Variants in PKHD1L1 observed in about 807,000 individuals in gnomAD.
PKHD1L1 encodes the protein PKHD1 like 1.
In PKHD1L1, 434 loss-of-function variants were observed where a neutral mutation model predicts 462.9. The observed-to-expected ratio is 0.94, with a 90% CI of 0.87 to 1.02. The LOEUF is 1.02. PKHD1L1 is among the 50% of genes least tolerant of loss of function. The pLI is 0.00. For missense variants in PKHD1L1, 5,202 were observed against 5,096.1 expected, an observed-to-expected ratio of 1.02 and a Z score of -0.63; for synonymous variants, 1,781 against 1,750.0, an observed-to-expected ratio of 1.02 and a Z score of -0.44.
chr8:109,511,242 G>C lies in PKHD1L1; in HGVS notation c.11553+308G>C, dbSNP rs553996395. On this transcript the variant is annotated intron_variant, in intron 71 of 77. Transcript: ENST00000378402. ...AAGTTTTAGGGTACATGTGCACAAT[G>C]TGTAGGCCAGTCACACATGTATATA... Among the ~76,000 whole-genome samples the C allele has an allele frequency of 6.6e-5, 10 of 152,118 alleles. No homozygotes were observed. The South Asian group carries it at 1.9e-3, about 28-fold the overall frequency.
In PKHD1L1 at chr8:109,530,481, G is replaced by T. The variant is rs932808912; in HGVS notation, c.*391G>T. Among the ~76,000 whole-genome samples, 45 of 146,566 alleles carry T rather than the reference G, an allele frequency of 3.1e-4. No individual in the cohort carries two copies. The highest frequency in any genetic ancestry group is 1.2e-3 in the African/African-American group (44 of 37,290). On this transcript the variant is annotated 3_prime_UTR_variant, in exon 78 of 78. Coordinates refer to ENST00000378402, the MANE Select transcript of PKHD1L1 (RefSeq NM_177531.6). ...TTCTTTTTAATACTTGAGGGGGGGG[G>T]TTCTTATTTTCTCTATCCATTTACA...
chr8:109,441,173 G>T (rs1815767519), intron 33 of PKHD1L1, 102 bp from the exon 34 acceptor site: 10 of 784,100 alleles, frequency 1.3e-5, no homozygotes, highest in Non-Finnish European at 2.0e-5. Context: ...TTTTTTTTAG[G>T]GTCTTGGCTG....
Position 109,483,636 on chromosome 8 carries a change from A to T in PKHD1L1, c.9576+531A>T, listed in dbSNP as rs114928732. 9.9e-3 allele frequency among the ~76,000 whole-genome samples: 1,494 copies of T among 150,546 alleles called. 18 individuals are homozygous for T. The highest frequency in any genetic ancestry group is 0.015 in the Non-Finnish European group (985 of 67,438). On this transcript the variant is annotated intron_variant, in intron 57 of 77. Transcript: ENST00000378402. ...ATAATATATTAGTCATATTAGTCAT[A>T]TTTTATGCCAATGTATATTAGTCAT...
Position 109,523,402 on chromosome 8 carries a change from T to C in PKHD1L1, c.12484+16T>C. 1.2e-6 allele frequency: 2 copies of C among 1,600,866 alleles called. No homozygotes were observed. Among genetic ancestry groups the C allele is most frequent in the Non-Finnish European group, 1.7e-6 (2 of 1,170,214 alleles). On this transcript the variant is annotated intron_variant, in intron 76 of 77. Transcript: ENST00000378402. Reference sequence around the variant, plus strand: ...CTTAGAACAGGTGGGTGCACTATTTTGGATCCTCACATATATAGCCATAAA... The same window carrying C: ...CTTAGAACAGGTGGGTGCACTATTTCGGATCCTCACATATATAGCCATAAA...
intron 27 of PKHD1L1, among the ~76,000 whole-genome samples, chr8:109,432,592 A>G (rs1322686588): frequency 3.9e-5 from 6 of 152,180 alleles, no homozygotes; most frequent in South Asian, 2.1e-4. Flanking sequence ...GAATGGAAGA[A>G]CCTTAAGTTT....
intron 2 of PKHD1L1, among the ~76,000 whole-genome samples, chr8:109,379,121 G>A (rs78957349): frequency 0.011 from 1,664 of 152,136 alleles, 37 homozygotes; most frequent in African/African-American, 0.038. Flanking sequence ...GCTGAATACC[G>A]GAACTGCCAA....
At chr8:109,375,906 C>T (rs1158164641) in intron 2 of PKHD1L1, among the ~76,000 whole-genome samples, 2 of 152,174 alleles carry the variant, frequency 1.3e-5, no homozygotes, top group Admixed American at 6.5e-5. Context: ...TGTCAGTCCG[C>T]CCCTACTGGG....
intron 25 of PKHD1L1, 62 bp downstream of exon 25, chr8:109,427,218 C>A: frequency 7.9e-7 from 1 of 1,261,428 alleles, no homozygotes; most frequent in Non-Finnish European, 1.1e-6. Context: ...TTGGACCCTG[C>A]CTTATTCCAA....
At position 109,491,089 on chromosome 8, in the gene PKHD1L1, A is replaced by C. The variant is rs1453006973; in HGVS notation, c.10102A>C (p.Thr3368Pro). Residue 3368 changes from threonine to proline, a missense_variant, in exon 61 of 78, where the codon ACA becomes CCA. By Grantham distance (38) the Thr-to-Pro change is conservative. This residue lies in a region of PKHD1L1 where 4,497 missense variants were observed against 4,336.8 expected (regional missense o/e 1.04). Coordinates refer to ENST00000378402, the MANE Select transcript of PKHD1L1 (RefSeq NM_177531.6). ...LDIDDNIIHF[T>P]VGEGIRIWGN... ...CATAGATGACAACATCATTCACTTT[A>C]CAGTGGGGGAAGGTAATATAATAAT... 6.2e-7 allele frequency: 1 copy of C among 1,608,348 alleles called. No individual in the cohort carries two copies. The highest frequency in any genetic ancestry group is 8.5e-7 in the Non-Finnish European group (1 of 1,176,176).
intron 2 of PKHD1L1, among the ~76,000 whole-genome samples, chr8:109,373,728 G>A (rs1265270906): frequency 6.6e-6 from 1 of 152,156 alleles, no homozygotes; most frequent in Admixed American, 6.5e-5. Context: ...TGGTTTCAAA[G>A]AACATCTTTA....
Position 109,400,080 on chromosome 8 carries a change from G to A in PKHD1L1, c.1017G>A (p.Gly339=). ...ATTTTATTTCATTACACTTAGGAGG[G>A]AGAGGCCTGAAGCTTGAGGTGTGGA... ...PHILKTVYPG[G]RGLKLEVWNN... Residue 339 remains glycine (G), a synonymous_variant, in exon 13 of 78, where the codon GGG becomes GGA. Coordinates refer to ENST00000378402, the MANE Select transcript of PKHD1L1 (RefSeq NM_177531.6). 1 of 1,609,352 alleles carries A rather than the reference G, an allele frequency of 6.2e-7. No homozygotes were observed. The highest frequency in any genetic ancestry group is 8.5e-7 in the Non-Finnish European group (1 of 1,177,304).
intron 6 of PKHD1L1, 55 bp downstream of exon 6, chr8:109,385,685 T>G: frequency 8.4e-7 from 1 of 1,183,720 alleles, no homozygotes; most frequent in African/African-American, 1.6e-5. Flanking sequence ...GAAGTAATAT[T>G]ATAAAAATAA....
At chr8:109,496,802 T>C in intron 63 of PKHD1L1, 117 bp from the exon 64 acceptor site, 2 of 1,088,552 alleles carry the variant, frequency 1.8e-6, no homozygotes, top group East Asian at 2.4e-5. Context: ...AAACCTGATA[T>C]CAGAATTATG....
chr8:109,476,449 T>G, intron 51 of PKHD1L1, 59 bp from the exon 52 acceptor site: 1 of 1,134,668 alleles, frequency 8.8e-7, no homozygotes, highest in Non-Finnish European at 1.2e-6. Context: ...TCATTAAAAT[T>G]AATGTGTTAT....
chr8:109,381,553 A>T, intron 3 of PKHD1L1, 39 bp downstream of exon 3: 1 of 1,418,570 alleles, frequency 7.0e-7, no homozygotes, highest in Non-Finnish European at 9.6e-7. Flanking sequence ...CATTTTCATC[A>T]TATCAGAAGT....
chr8:109,436,462 A>G lies in PKHD1L1; in HGVS notation c.3627+3A>G, dbSNP rs1009680322. ...GGATAACCTGCAGGACACCAAAAGT[A>G]AGGCCTCTGATTTCAGTCACTTTTT... is the stretch of plus-strand genomic sequence containing the variant. On this transcript the variant is annotated splice_donor_region_variant and intron_variant, in intron 30 of 77. Coordinates refer to ENST00000378402, the MANE Select transcript of PKHD1L1 (RefSeq NM_177531.6). 2 of 1,611,190 alleles carry G rather than the reference A, an allele frequency of 1.2e-6. No individual in the cohort carries two copies. Among genetic ancestry groups the G allele is most frequent in the Non-Finnish European group, 1.7e-6 (2 of 1,179,124 alleles).
chr8:109,399,137 C>T (rs183620333), intron 12 of PKHD1L1, among the ~76,000 whole-genome samples: 1 of 152,178 alleles, frequency 6.6e-6, no homozygotes, highest in African/African-American at 2.4e-5. Flanking sequence ...CATTGTTTCA[C>T]ATTTGAAGCC....
chr8:109,415,884 T>C lies in PKHD1L1; in HGVS notation c.2360+2339T>C, dbSNP rs182094747. On this transcript the variant is annotated intron_variant, in intron 21 of 77. Transcript: ENST00000378402. ...AAAGGGGTGTGTGTGTGTGTGTGTGTGTGTGTGTGTGTGTGTGTGTGTAGG... is the reference window on the plus strand; with the variant it reads ...AAAGGGGTGTGTGTGTGTGTGTGTGCGTGTGTGTGTGTGTGTGTGTGTAGG... 6.2e-3 allele frequency among the ~76,000 whole-genome samples: 925 copies of C among 149,982 alleles called. 23 individuals are homozygous for C. Among genetic ancestry groups the C allele is most frequent in the Admixed American group, 0.055 (815 of 14,948 alleles).
intron 28 of PKHD1L1, among the ~76,000 whole-genome samples, chr8:109,433,470 C>G (rs1815224872): frequency 6.6e-6 from 1 of 152,136 alleles, no homozygotes; most frequent in African/African-American, 2.4e-5. Context: ...TTTTTCCCCC[C>G]TTCATTTGGA....
Sources: gnomAD v4.1 joint callset for allele counts (sites outside exome capture counted in the v4.1 genomes callset) on GRCh38, gnomAD v4.1.1 for gene constraint, gnomAD v4.1.1 regional missense constraint, MANE v1.5 for transcripts, NCBI Gene and HGNC (gene_info 2026-07-23, HGNC 2026-07-21) for gene names.